Variants in TTLL5 observed in about 807,000 individuals in gnomAD.
TTLL5 encodes tubulin tyrosine ligase like 5, also known as tubulin polyglutamylase TTLL5.
In TTLL5, 132 loss-of-function variants were observed where a neutral mutation model predicts 168.4. The observed-to-expected ratio is 0.78, with a 90% confidence interval of 0.68 to 0.91. The LOEUF is 0.91. Ranked by LOEUF, TTLL5 falls within the 40% of genes least tolerant of loss-of-function variation. The pLI is 0.00. For missense variants in TTLL5, 1,545 were observed against 1,581.5 expected (o/e 0.98, Z 0.39); for synonymous variants, 546 against 558.6 (o/e 0.98, Z 0.32).
intron 27 of TTLL5, among the ~76,000 whole-genome samples, chr14:75,818,933 A>G (rs1894668130): frequency 6.6e-6 from 1 of 152,190 alleles, no homozygotes; most frequent in Non-Finnish European, 1.5e-5. Flanking sequence ...TTCACAGTAT[A>G]ATGTAGTGAG....
chr14:75,797,727 C>T (rs1029762175), intron 27 of TTLL5, among the ~76,000 whole-genome samples: 3 of 152,008 alleles, frequency 2.0e-5, no homozygotes, highest in South Asian at 2.1e-4. Flanking sequence ...TATTGACTTG[C>T]GTATGTTAAA....
At chr14:75,905,127 A>T (rs1446489354) in intron 31 of TTLL5, among the ~76,000 whole-genome samples, 2 of 152,278 alleles carry the variant, frequency 1.3e-5, no homozygotes, top group East Asian at 3.9e-4. Flanking sequence ...AAGAAGAACA[A>T]CTCTCATAAT....
chr14:75,793,197 A>G, intron 27 of TTLL5, 97 bp downstream of exon 27: 1 of 1,131,630 alleles, frequency 8.8e-7, no homozygotes, highest in Non-Finnish European at 1.2e-6. Context: ...ATTCCCATAT[A>G]CTGATGCCTC....
At chr14:75,769,855 A>G (rs1891175627) in intron 20 of TTLL5, among the ~76,000 whole-genome samples, 1 of 152,176 alleles carries the variant, frequency 6.6e-6, no homozygotes. Flanking sequence ...AAACAAGAGT[A>G]TAATTATTGT....
chr14:75,683,656 G>C lies in TTLL5; in HGVS notation c.371G>C (p.Arg124Thr). 1 of 1,612,000 alleles carries C rather than the reference G, an allele frequency of 6.2e-7. No individual in the cohort carries two copies. The highest frequency in any genetic ancestry group is 8.5e-7 in the Non-Finnish European group (1 of 1,178,144). Residue 124 changes from arginine to threonine, a missense_variant and splice_region_variant, in exon 5 of 32, where the codon AGG becomes ACG. Physicochemically the swap from Arg to Thr is moderately conservative, Grantham distance 71 (BLOSUM62 -1). Coordinates refer to ENST00000298832, the MANE Select transcript of TTLL5 (RefSeq NM_015072.5). Reference sequence around the variant, plus strand: ...GCACAAAAAGTTAATCACTTTCCCAGGTAATGCTCTTTGTAGCTGCTTTGC... The same window carrying C: ...GCACAAAAAGTTAATCACTTTCCCACGTAATGCTCTTTGTAGCTGCTTTGC... Reference protein sequence around the residue: ...SEAQKVNHFPRSYELTRKDRL... With the variant: ...SEAQKVNHFPTSYELTRKDRL...
intron 27 of TTLL5, chr14:75,803,224 A>C (rs1224853504): frequency 6.6e-6 from 1 of 152,238 alleles, no homozygotes; most frequent in Admixed American, 6.5e-5. Context: ...TCGCTGGTGA[A>C]GATAATGAGG....
chr14:75,869,199 G>C (rs1247561843), intron 29 of TTLL5, among the ~76,000 whole-genome samples: 2 of 151,934 alleles, frequency 1.3e-5, no homozygotes, highest in African/African-American at 2.4e-5. Context: ...TTAGTGTCTA[G>C]CTTTTAGTTA....
At chr14:75,868,860 C>T (rs978319919) in intron 29 of TTLL5, among the ~76,000 whole-genome samples, 2 of 152,104 alleles carry the variant, frequency 1.3e-5, no homozygotes, top group Non-Finnish European at 2.9e-5. Flanking sequence ...AGCAGGCACC[C>T]TGTCTTTTTC....
At chr14:75,869,713 G>T (rs1011644529) in intron 29 of TTLL5, among the ~76,000 whole-genome samples, 7 of 151,704 alleles carry the variant, frequency 4.6e-5, no homozygotes, top group African/African-American at 1.7e-4. Context: ...CCAAGCTCAT[G>T]GCTATTATGC....
At chr14:75,924,987 C>T (rs1271287558) in intron 31 of TTLL5, among the ~76,000 whole-genome samples, 3 of 145,212 alleles carry the variant, frequency 2.1e-5, no homozygotes, top group Admixed American at 6.8e-5. Context: ...CACTCCCGGA[C>T]GGGGCGGCAG....
chr14:75,735,124 GA>G, intron 14 of TTLL5, 70 bp from the exon 15 acceptor site: 2 of 1,428,450 alleles, frequency 1.4e-6, no homozygotes. Flanking sequence ...TGTATCTAAA[GA>G]AAAGGTGCAG....
At chr14:75,922,756 G>A (rs1021073129) in intron 31 of TTLL5, among the ~76,000 whole-genome samples, 2 of 152,162 alleles carry the variant, frequency 1.3e-5, no homozygotes, top group African/African-American at 2.4e-5. Flanking sequence ...AATGAGTTAG[G>A]GAGGTTTCCC....
At chr14:75,791,124 AT>A (rs1892691903) in intron 26 of TTLL5, among the ~76,000 whole-genome samples, 1 of 150,736 alleles carries the variant, frequency 6.6e-6, no homozygotes, top group Non-Finnish European at 1.5e-5. Context: ...AAAAAAAAAA[AT>A]ACCACTTTGG....
At position 75,905,383 on chromosome 14, in the gene TTLL5, G is replaced by C. The variant is rs180761107; in HGVS notation, c.3823+3159G>C. ...CGCAGTCTGAATGAGATAGTGATTC[G>C]TCCCAGGGCACTGTTGAAAAACAAC... On this transcript the variant is annotated intron_variant, in intron 31 of 31. Coordinates refer to ENST00000298832, the MANE Select transcript of TTLL5 (RefSeq NM_015072.5). 7.0e-4 allele frequency among the ~76,000 whole-genome samples: 106 copies of C among 152,280 alleles called. 2 individuals are homozygous for C. The Middle Eastern group carries it at 0.024, about 34-fold the overall frequency.
chr14:75,817,551 C>T lies in TTLL5; in HGVS notation c.3172-2456C>T, dbSNP rs113059018. ...CTATAACTAGGAATGAAACACTATA[C>T]TCTTGCTAAAAATGACCTTTTTTCT... On this transcript the variant is annotated intron_variant, in intron 27 of 31. Transcript: ENST00000298832. Among the ~76,000 whole-genome samples, 1,388 of 152,236 alleles carry T rather than the reference C, an allele frequency of 9.1e-3. 30 individuals carry two copies. Among genetic ancestry groups the T allele is most frequent in the African/African-American group, 0.032 (1,330 of 41,530 alleles).
intron 18 of TTLL5, among the ~76,000 whole-genome samples, chr14:75,762,911 G>A (rs1033834757): frequency 2.0e-5 from 3 of 152,116 alleles, no homozygotes; most frequent in African/African-American, 7.2e-5. Flanking sequence ...GTTCGTGAAC[G>A]TAAACACTGG....
chr14:75,934,991 C>A (rs945601382), intron 31 of TTLL5, among the ~76,000 whole-genome samples: 1 of 152,100 alleles, frequency 6.6e-6, no homozygotes, highest in Admixed American at 6.5e-5. Flanking sequence ...TATTCTGGAG[C>A]CTTTAAGAAC....
intron 27 of TTLL5, chr14:75,803,211 T>C (rs1021898649): frequency 6.6e-6 from 1 of 152,214 alleles, no homozygotes; most frequent in Non-Finnish European, 1.5e-5. Context: ...TTTTCCTCCA[T>C]GCTCGCTGGT....
At position 75,719,629 on chromosome 14, in the gene TTLL5, TA is replaced by T. The variant is rs200484305; in HGVS notation, c.843-96del. On this transcript the variant is annotated intron_variant, in intron 10 of 31. Transcript: ENST00000298832. ...GTAACTGGAAGTCAGCAAAGTGAAT[TA>T]AAAAAAAAACTTTTTAAAAAGACAA... The T allele has an allele frequency of 1.8e-3, 1,548 of 878,824 alleles. 2 individuals are homozygous for T. The highest frequency in any genetic ancestry group is 2.5e-3 in the South Asian group (103 of 41,386). 54.4% of individuals were successfully genotyped at this position (878,824 alleles called of 1,614,324 possible).
Sources: gnomAD v4.1 joint callset for allele counts (sites outside exome capture counted in the v4.1 genomes callset) on GRCh38, gnomAD v4.1.1 for gene constraint, MANE v1.5 for transcripts, NCBI Gene and HGNC (gene_info 2026-07-23, HGNC 2026-07-21) for gene names.